DNAH14: variants seen among roughly 807,000 people sequenced by gnomAD.
DNAH14 encodes axonemal beta dynein heavy chain 14.
DNAH14 carries 478 observed loss-of-function variants against 520.9 expected under a neutral mutation model. The ratio of observed to expected loss-of-function variants is 0.92; its 90% confidence interval spans 0.85 to 0.99. The LOEUF (loss-of-function observed/expected upper bound fraction) is 0.99, where lower values mean the gene tolerates loss of function less well. DNAH14 is among the 50% of genes least tolerant of loss of function. The pLI is 0.00. For missense variants in DNAH14, 4,831 were observed against 5,234.5 expected (o/e 0.92, Z 2.38); for synonymous variants, 1,581 against 1,757.2 (o/e 0.90, Z 2.51).
At chr1:225,224,802 A>G (rs1209391157) in intron 41 of DNAH14, among the ~76,000 whole-genome samples, 5 of 152,174 alleles carry the variant, frequency 3.3e-5, no homozygotes, top group African/African-American at 1.2e-4. Context: ...TGGAGCCTTA[A>G]TATTGGCCCT....
chr1:225,363,376 G>A (rs118186283), intron 75 of DNAH14, among the ~76,000 whole-genome samples: 1 of 152,186 alleles, frequency 6.6e-6, no homozygotes, highest in East Asian at 1.9e-4. Context: ...TGTCTCTTAA[G>A]TCTCCTGATA....
chr1:225,063,011 A>G (rs1220467779), intron 17 of DNAH14, among the ~76,000 whole-genome samples: 1 of 152,196 alleles, frequency 6.6e-6, no homozygotes, highest in Non-Finnish European at 1.5e-5. Context: ...AAAAAAATAA[A>G]TGGAAACAGA....
chr1:225,193,277 T>G (rs541719157), intron 38 of DNAH14, among the ~76,000 whole-genome samples: 2 of 152,134 alleles, frequency 1.3e-5, no homozygotes, highest in Non-Finnish European at 2.9e-5. Context: ...TGATACAAAA[T>G]TCATCACAGA....
At chr1:225,296,059 C>T (rs1482653568) in intron 55 of DNAH14, among the ~76,000 whole-genome samples, 2 of 152,002 alleles carry the variant, frequency 1.3e-5, no homozygotes, top group Non-Finnish European at 2.9e-5. Context: ...ATAGCTACTC[C>T]TGCTTGTGTT....
intron 8 of DNAH14, among the ~76,000 whole-genome samples, chr1:224,988,260 C>T (rs1479903085): frequency 3.3e-5 from 5 of 152,110 alleles, no homozygotes; most frequent in East Asian, 1.9e-4. Flanking sequence ...CATAGTATTC[C>T]GTGGTGTATA....
chr1:225,334,750 T>A (rs1426765419), intron 66 of DNAH14, among the ~76,000 whole-genome samples: 2 of 148,582 alleles, frequency 1.3e-5, no homozygotes, highest in Non-Finnish European at 3.0e-5. Context: ...GTGCCTATAG[T>A]CCTAACTACT....
chr1:225,138,341 T>C (rs934829341), intron 27 of DNAH14, among the ~76,000 whole-genome samples: 3 of 152,218 alleles, frequency 2.0e-5, no homozygotes, highest in Non-Finnish European at 2.9e-5. Flanking sequence ...ACTCTCCCCA[T>C]TGGATCTCAG....
chr1:225,064,614 A>T (rs1391829268), intron 17 of DNAH14, among the ~76,000 whole-genome samples: 1 of 152,012 alleles, frequency 6.6e-6, no homozygotes, highest in Admixed American at 6.6e-5. Flanking sequence ...ACATGCAACA[A>T]CTTGGATGAA....
chr1:224,977,160 A>G (rs1043288907), intron 8 of DNAH14, among the ~76,000 whole-genome samples: 1 of 152,094 alleles, frequency 6.6e-6, no homozygotes, highest in Non-Finnish European at 1.5e-5. Flanking sequence ...ATGCAGCCAT[A>G]AAAAAGGATG....
chr1:225,264,386 T>C (rs2093041797), intron 47 of DNAH14, 125 bp downstream of exon 47: 6 of 856,416 alleles, frequency 7.0e-6, no homozygotes, highest in South Asian at 5.6e-5. Flanking sequence ...ATATAAAAAG[T>C]CTCAAAAACT....
chr1:225,032,652 G>A (rs1397432823), intron 11 of DNAH14, among the ~76,000 whole-genome samples: 1 of 151,996 alleles, frequency 6.6e-6, no homozygotes, highest in Non-Finnish European at 1.5e-5. Flanking sequence ...TTGAGTAATC[G>A]CCATACTGTT....
At chr1:225,387,350 C>G (rs989184034) in intron 81 of DNAH14, among the ~76,000 whole-genome samples, 14 of 151,894 alleles carry the variant, frequency 9.2e-5, no homozygotes, top group African/African-American at 3.1e-4. Flanking sequence ...CAAACCTGCA[C>G]GTTGTGCACA....
intron 17 of DNAH14, among the ~76,000 whole-genome samples, chr1:225,069,039 G>A (rs2071240635): frequency 8.8e-4 from 1 of 1,130 alleles, no homozygotes; most frequent in Admixed American, 2.7e-3. Flanking sequence ...CCGAGATCCC[G>A]CCACTGCACT....
rs1362528415 is a variant in DNAH14 at position 224,929,737 on chromosome 1, T to C, written c.-132T>C. On this transcript the variant is annotated 5_prime_UTR_variant, in exon 1 of 86. Transcript: ENST00000682510. ...GTGGTAGGGCTGTGCTGCGCGGTCCTTCCCATTCACCCTAGTCTGGCGCTC... is the reference window on the plus strand; with the variant it reads ...GTGGTAGGGCTGTGCTGCGCGGTCCCTCCCATTCACCCTAGTCTGGCGCTC... The C allele has an allele frequency of 1.4e-6, 1 of 702,380 alleles. No homozygotes were observed. Among genetic ancestry groups the C allele is most frequent in the East Asian group, 2.7e-5 (1 of 37,278 alleles). 43.5% of individuals were successfully genotyped at this position (702,380 alleles called of 1,614,324 possible).
chr1:224,985,162 C>T (rs1265057637), intron 8 of DNAH14, among the ~76,000 whole-genome samples: 1 of 152,148 alleles, frequency 6.6e-6, no homozygotes. Flanking sequence ...AAGATACTTG[C>T]ACATGCATGT....
chr1:225,062,999 G>GA (rs1254533151), intron 17 of DNAH14, among the ~76,000 whole-genome samples: 2 of 151,076 alleles, frequency 1.3e-5, no homozygotes, highest in African/African-American at 4.9e-5. Flanking sequence ...ACAACTAAGA[G>GA]AAAAAAAATA....
At chr1:224,983,461 A>G (rs76032339) in intron 8 of DNAH14, among the ~76,000 whole-genome samples, 8,011 of 152,212 alleles carry the variant, frequency 0.053, 322 homozygotes, top group Non-Finnish European at 0.078. Context: ...TGAATGGGAA[A>G]AAGTTGAAAG....
chr1:225,220,593 A>G (rs1249959967), intron 41 of DNAH14, among the ~76,000 whole-genome samples: 2 of 152,292 alleles, frequency 1.3e-5, no homozygotes, highest in East Asian at 3.9e-4. Flanking sequence ...TACAACTTAC[A>G]AGGGATGTGA....
chr1:225,363,016 T>G (rs2095510534), intron 75 of DNAH14, among the ~76,000 whole-genome samples: 1 of 151,536 alleles, frequency 6.6e-6, no homozygotes, highest in African/African-American at 2.4e-5. Context: ...TGTATTGTGT[T>G]TTTTTTTCCT....
Sources: gnomAD v4.1 joint callset for allele counts (sites outside exome capture counted in the v4.1 genomes callset) on GRCh38, gnomAD v4.1.1 for gene constraint, MANE v1.5 for transcripts, NCBI Gene and HGNC (gene_info 2026-07-23, HGNC 2026-07-21) for gene names.